Variants in SPG11 observed in about 807,000 individuals in gnomAD.
The protein encoded by SPG11 is spatacsin.
A neutral mutation model predicts 274.0 loss-of-function variants in SPG11; 222 were observed. The observed-to-expected ratio is 0.81, with a 90% CI of 0.73 to 0.91. The LOEUF (loss-of-function observed/expected upper bound fraction) is 0.91. SPG11 is among the 40% of genes least tolerant of loss of function. The pLI is 0.00. For synonymous variants in SPG11, 1,144 were observed against 1,039.7 expected (o/e 1.10, Z -1.93); for missense variants, 3,114 against 2,872.7 (o/e 1.08, Z -1.92).
At chr15:44,600,910 T>A (rs2083169188) in intron 20 of SPG11, among the ~76,000 whole-genome samples, 1 of 152,178 alleles carries the variant, frequency 6.6e-6, no homozygotes, top group Non-Finnish European at 1.5e-5. Context: ...TCCCAGCACT[T>A]TGGGAGACTA....
At chr15:44,645,271 A>AT (rs2084572200) in intron 7 of SPG11, among the ~76,000 whole-genome samples, 1 of 152,222 alleles carries the variant, frequency 6.6e-6, no homozygotes, top group South Asian at 2.1e-4. Context: ...AAAAGCAGAC[A>AT]CATAGACCAA....
intron 33 of SPG11, among the ~76,000 whole-genome samples, chr15:44,571,572 A>G (rs1232327268): frequency 7.2e-6 from 1 of 138,060 alleles, no homozygotes. Flanking sequence ...ATCTCCACTC[A>G]CTGCGAGCTC....
intron 4 of SPG11, among the ~76,000 whole-genome samples, chr15:44,655,816 T>C (rs770850938): frequency 7.9e-5 from 12 of 152,302 alleles, no homozygotes; most frequent in East Asian, 3.8e-4. Flanking sequence ...TATGCATACA[T>C]ACCTATAATA....
At chr15:44,659,758 C>T (rs1234459898) in intron 2 of SPG11, among the ~76,000 whole-genome samples, 1 of 152,118 alleles carries the variant, frequency 6.6e-6, no homozygotes, top group African/African-American at 2.4e-5. Flanking sequence ...ATAATGTGAG[C>T]CACATACATG....
rs781036043 is a variant in SPG11 at position 44,566,255 on chromosome 15, G to A, written c.6805C>T (p.Leu2269=). ...HQLKQLLLKA[L]TLMLDAAESY... is the part of the protein sequence containing the mutation. ...TCTGCTGCATCCAACATCAGAGTCA[G>A]GGCCTTCAGCAGCAGTTGTTTCAGC... Residue 2269 remains leucine (L), a synonymous_variant, in exon 37 of 40, where the codon CTG becomes TTG. Transcript: ENST00000261866. 2.5e-6 allele frequency: 4 copies of A among 1,614,188 alleles called. No individual in the cohort carries two copies. In the South Asian group the frequency reaches 4.4e-5, roughly 18 times the overall value.
Position 44,598,289 on chromosome 15 carries a change from C to T in SPG11, c.3977G>A (p.Ser1326Asn), listed in dbSNP as rs573591432. Residue 1326 changes from serine (S) to asparagine (N), a missense_variant, in exon 23 of 40, where the codon AGC becomes AAC. Coordinates refer to ENST00000261866, the MANE Select transcript of SPG11 (RefSeq NM_025137.4). ...LVLLEEGTWN[S>N]IQQQEIKRLS... ...CCTCTTTATTTCCTGTTGCTGAATG[C>T]TGTTCCATGTACCTTCTTCTAAGAG... is the stretch of plus-strand genomic sequence containing the variant. 1.7e-5 allele frequency: 27 copies of T among 1,613,694 alleles called. No homozygotes were observed. In the South Asian group the frequency reaches 2.9e-4, roughly 17 times the overall value.
intron 28 of SPG11, among the ~76,000 whole-genome samples, 174 bp from the exon 29 acceptor site, chr15:44,586,024 AC>A (rs2082757219): frequency 7.9e-6 from 1 of 126,282 alleles, no homozygotes; most frequent in Non-Finnish European, 1.6e-5. Context: ...TCTCACTGTC[AC>A]CTAGGCTGGA....
intron 29 of SPG11, 76 bp from the exon 30 acceptor site, chr15:44,584,634 T>A: frequency 2.0e-6 from 3 of 1,537,568 alleles, no homozygotes; most frequent in Non-Finnish European, 2.7e-6. Flanking sequence ...TCCCTAAGTA[T>A]ATCATACTTG....
chr15:44,634,919 T>C (rs2084193261), intron 7 of SPG11, among the ~76,000 whole-genome samples: 1 of 151,544 alleles, frequency 6.6e-6, no homozygotes, highest in South Asian at 2.1e-4. Context: ...AAATAAACAT[T>C]TTTTTTTTAA....
intron 5 of SPG11, 47 bp downstream of exon 5, chr15:44,652,082 G>A: frequency 6.2e-7 from 1 of 1,610,102 alleles, no homozygotes; most frequent in Non-Finnish European, 8.5e-7. Context: ...GCGTCAGCAT[G>A]ATAAAAAATA....
At chr15:44,660,907 G>A (rs2085086224) in intron 1 of SPG11, among the ~76,000 whole-genome samples, 1 of 152,082 alleles carries the variant, frequency 6.6e-6, no homozygotes, top group East Asian at 1.9e-4. Flanking sequence ...CAACTAGTAT[G>A]TTTAAACAAA....
At chr15:44,617,541 G>C (rs1007684412) in intron 15 of SPG11, among the ~76,000 whole-genome samples, 1 of 152,166 alleles carries the variant, frequency 6.6e-6, no homozygotes. Flanking sequence ...TACAGGTATA[G>C]GTCTGTTTCT....
intron 11 of SPG11, among the ~76,000 whole-genome samples, chr15:44,623,440 C>T (rs1191814050): frequency 6.6e-6 from 1 of 152,178 alleles, no homozygotes; most frequent in Non-Finnish European, 1.5e-5. Context: ...CACAGTTCCA[C>T]TCCTCTGCAC....
intron 3 of SPG11, among the ~76,000 whole-genome samples, chr15:44,658,259 A>G (rs1299741292): frequency 6.6e-6 from 1 of 152,180 alleles, no homozygotes; most frequent in Non-Finnish European, 1.5e-5. Flanking sequence ...TAAAGTTCCA[A>G]AATCATATAA....
chr15:44,623,937 T>G (rs567035107), intron 11 of SPG11, among the ~76,000 whole-genome samples: 2 of 152,122 alleles, frequency 1.3e-5, no homozygotes, highest in African/African-American at 4.8e-5. Context: ...TTTTTGGCCT[T>G]TTTAGTAGAG....
At chr15:44,582,026 A>G (rs2082667406) in intron 30 of SPG11, among the ~76,000 whole-genome samples, 1 of 152,226 alleles carries the variant, frequency 6.6e-6, no homozygotes, top group East Asian at 1.9e-4. Context: ...CTCACCCAAG[A>G]TAAGAAAGAT....
intron 3 of SPG11, among the ~76,000 whole-genome samples, chr15:44,658,407 G>C (rs914341118): frequency 6.6e-6 from 1 of 150,910 alleles, no homozygotes; most frequent in Non-Finnish European, 1.5e-5. Flanking sequence ...AACATCATTA[G>C]AGACAAGAGG....
Position 44,651,551 on chromosome 15 carries a change from C to G in SPG11, c.1396G>C (p.Gly466Arg), listed in dbSNP as rs1241027939. 1 of 1,614,150 alleles carries G rather than the reference C, an allele frequency of 6.2e-7. No homozygotes were observed. ...ETQGMQCFSL[G>R]TKCIPVDSSG... Reference sequence around the variant, plus strand: ...CTGTCTACAGGAATACACTTTGTGCCAAGGGAAAAACACTGCATGCCCTGG... The same window carrying G: ...CTGTCTACAGGAATACACTTTGTGCGAAGGGAAAAACACTGCATGCCCTGG... Residue 466 changes from glycine to arginine, a missense_variant, in exon 6 of 40, where the codon GGC (glycine) becomes CGC (arginine). Coordinates refer to ENST00000261866, the MANE Select transcript of SPG11 (RefSeq NM_025137.4).
At chr15:44,630,254 CTG>C (rs2084021226) in intron 8 of SPG11, among the ~76,000 whole-genome samples, 1 of 152,194 alleles carries the variant, frequency 6.6e-6, no homozygotes, top group African/African-American at 2.4e-5. Flanking sequence ...TGGATTACAT[CTG>C]TGAGATGTAT....
Sources: allele counts gnomAD v4.1 joint callset (sites outside exome capture counted in the v4.1 genomes callset), GRCh38; gene constraint gnomAD v4.1.1; transcripts MANE v1.5; gene names NCBI Gene and HGNC (gene_info 2026-07-23, HGNC 2026-07-21).